TYRO3: variants seen among roughly 807,000 people sequenced by gnomAD.
TYRO3 encodes tyrosine-protein kinase receptor TYRO3.
In TYRO3, 38 loss-of-function variants were observed where a neutral mutation model predicts 95.2. The observed-to-expected ratio is 0.40, with a 90% CI of 0.31 to 0.52. TYRO3 has a LOEUF of 0.52. Among genes scored for constraint, TYRO3 ranks in the 20% least tolerant of loss-of-function variants. The pLI is 0.56. For synonymous variants in TYRO3, 367 were observed against 432.9 expected, an observed-to-expected ratio of 0.85 and a Z score of 1.89; for missense variants, 812 against 1,116.4, an observed-to-expected ratio of 0.73 and a Z score of 3.89.
At chr15:41,566,713 C>T (rs949707767) in intron 6 of TYRO3, among the ~76,000 whole-genome samples, 3 of 152,244 alleles carry the variant, frequency 2.0e-5, no homozygotes, top group African/African-American at 7.2e-5. Flanking sequence ...TCTTCCAGTG[C>T]CTCCTCATTC....
chr15:41,560,999 C>A, intron 1 of TYRO3, 128 bp from the exon 2 acceptor site: 1 of 1,171,998 alleles, frequency 8.5e-7, no homozygotes. Flanking sequence ...CCTACCTCTG[C>A]TTCCTTGACT....
At position 41,579,436 on chromosome 15, in the gene TYRO3, G is replaced by C. The variant is rs2055900229; in HGVS notation, c.*1160G>C. On this transcript the variant is annotated 3_prime_UTR_variant, in exon 19 of 19. Coordinates refer to ENST00000263798, the MANE Select transcript of TYRO3 (RefSeq NM_006293.4). ...GTGATCTTGGTTCACTGCAACCTCTGCCTCCTGGGTTCAAGCGATTCTTGT... is the reference window on the plus strand; with the variant it reads ...GTGATCTTGGTTCACTGCAACCTCTCCCTCCTGGGTTCAAGCGATTCTTGT... The C allele has an allele frequency of 1.3e-5, 2 of 150,056 alleles. No homozygotes were observed. The highest frequency in any genetic ancestry group is 1.3e-4 in the Admixed American group (2 of 14,926). 9.3% of individuals were successfully genotyped at this position (150,056 alleles called of 1,614,324 possible). A position where few individuals can be genotyped will look rare whatever the true frequency, so the allele number is the denominator to read the frequency against.
chr15:41,569,447 C>A (rs1339585341), intron 9 of TYRO3, among the ~76,000 whole-genome samples: 1 of 151,888 alleles, frequency 6.6e-6, no homozygotes. Context: ...CCAGCCTGGG[C>A]AACAGAGTGA....
chr15:41,571,220 G>A (rs1046134368), intron 13 of TYRO3, 102 bp downstream of exon 13: 2 of 1,125,040 alleles, frequency 1.8e-6, no homozygotes, highest in Non-Finnish European at 2.7e-6. Context: ...TTTCCAAGAA[G>A]AGCTGGGCAG....
chr15:41,565,926 T>A (rs1566899900), intron 6 of TYRO3, among the ~76,000 whole-genome samples: 1 of 152,178 alleles, frequency 6.6e-6, no homozygotes, highest in Non-Finnish European at 1.5e-5. Flanking sequence ...TTCATCCGTT[T>A]ACTCAAAGGC....
chr15:41,571,242 A>T (rs1449761778), intron 13 of TYRO3, 124 bp downstream of exon 13: 1 of 872,526 alleles, frequency 1.1e-6, no homozygotes, highest in East Asian at 2.4e-5. Flanking sequence ...ACTAACTGGG[A>T]TGCTCTTTAC....
At chr15:41,564,291 G>A in intron 5 of TYRO3, 21 bp downstream of exon 5, 2 of 1,576,508 alleles carry the variant, frequency 1.3e-6, no homozygotes, top group Non-Finnish European at 1.7e-6. Flanking sequence ...TGGCAGGGAG[G>A]AAGGGTGGAT....
chr15:41,573,830 A>G lies in TYRO3; in HGVS notation c.2282+15A>G, dbSNP rs2055831557. The G allele has an allele frequency of 3.1e-6, 5 of 1,612,072 alleles. No individual in the cohort carries two copies. Among genetic ancestry groups the G allele is most frequent in the Non-Finnish European group, 4.2e-6 (5 of 1,178,790 alleles). ...ATGGAGGACGTGTGAGTATCCTGGGAAGGGGGCTCTGGAAGGAAAGGGGAA... is the reference window on the plus strand; with the variant it reads ...ATGGAGGACGTGTGAGTATCCTGGGGAGGGGGCTCTGGAAGGAAAGGGGAA... On this transcript the variant is annotated intron_variant, in intron 18 of 18. Transcript: ENST00000263798.
intron 4 of TYRO3, among the ~76,000 whole-genome samples, chr15:41,563,483 G>A (rs1398677899): frequency 6.6e-6 from 1 of 152,172 alleles, no homozygotes; most frequent in Non-Finnish European, 1.5e-5. Context: ...TTGACAAGAG[G>A]TGGACTATGA....
intron 4 of TYRO3, 126 bp from the exon 5 acceptor site, chr15:41,564,058 C>A: frequency 1.1e-6 from 1 of 877,392 alleles, no homozygotes; most frequent in South Asian, 1.5e-5. Flanking sequence ...ACCTCACTGC[C>A]CAGCCCCTTC....
At position 41,567,455 on chromosome 15, in the gene TYRO3, C is replaced by A; in HGVS notation, c.879C>A (p.Asn293Lys). The A allele has an allele frequency of 6.2e-7, 1 of 1,609,794 alleles. No homozygotes were observed. The highest frequency in any genetic ancestry group is 8.5e-7 in the Non-Finnish European group (1 of 1,178,464). The change falls in exon 7 of 19, where the codon AAC (asparagine) becomes AAA (lysine). Residue 293 changes from asparagine to lysine, a missense_variant. By Grantham distance (94) the Asn-to-Lys change is moderately conservative. Transcript: ENST00000263798. Reference sequence around the variant, plus strand: ...TCCGGGACCTGGTGCCTGCCACCAACTACAGCCTCAGGGTGCGCTGTGCCA... The same window carrying A: ...TCCGGGACCTGGTGCCTGCCACCAAATACAGCCTCAGGGTGCGCTGTGCCA... ...CLLRDLVPATNYSLRVRCANA... is the reference protein window; with the variant it reads ...CLLRDLVPATKYSLRVRCANA...
Position 41,573,697 on chromosome 15 carries a change from A to C in TYRO3, c.2164A>C (p.Met722Leu), listed in dbSNP as rs759257948. 3 of 1,614,136 alleles carry C rather than the reference A, an allele frequency of 1.9e-6. No individual in the cohort carries two copies. Among genetic ancestry groups the C allele is most frequent in the Middle Eastern group, 1.6e-4 (1 of 6,082 alleles). Residue 722 changes from methionine to leucine, a missense_variant, in exon 18 of 19, where the codon ATG (methionine) becomes CTG (leucine). Physicochemically the swap from Met to Leu is conservative, Grantham distance 15. Coordinates refer to ENST00000263798, the MANE Select transcript of TYRO3 (RefSeq NM_006293.4). Reference sequence around the variant, plus strand: ...GTCCCAGTGGGCGTTCGGGGTGACCATGTGGGAGATCATGACACGTGGGCA... The same window carrying C: ...GTCCCAGTGGGCGTTCGGGGTGACCCTGTGGGAGATCATGACACGTGGGCA... The part of the protein sequence containing the change: ...QSDVWAFGVT[M>L]WEIMTRGQTP...
rs2140839365 is a variant in TYRO3, at chr15:41,579,672, T to A, written c.*1396T>A. ...GCCCCAGCTTTGTCTCTTAAATGTT[T>A]ACTTTTTTTGAGATCACAAAGATGA... On this transcript the variant is annotated 3_prime_UTR_variant, in exon 19 of 19. Coordinates refer to ENST00000263798, the MANE Select transcript of TYRO3 (RefSeq NM_006293.4). 1 of 151,834 alleles carries A rather than the reference T, an allele frequency of 6.6e-6. No homozygotes were observed. Among genetic ancestry groups the A allele is most frequent in the Admixed American group, 6.6e-5 (1 of 15,252 alleles). 9.4% of individuals were successfully genotyped at this position (151,834 alleles called of 1,614,324 possible).
rs187646597 is a variant in TYRO3, at chr15:41,565,502, G to T, written c.783+361G>T. Among the ~76,000 whole-genome samples the T allele has an allele frequency of 9.5e-3, 1,447 of 151,788 alleles. 25 individuals are homozygous for T. Among genetic ancestry groups the T allele is most frequent in the African/African-American group, 0.033 (1,384 of 41,342 alleles). ...CGGCTCACTGCAACCTCCACCTCCT[G>T]GGTTCAAGTGATTCTCCTGCCTCAG... On this transcript the variant is annotated intron_variant, in intron 6 of 18. Transcript: ENST00000263798.
chr15:41,578,651 T>A lies in TYRO3; in HGVS notation c.*375T>A. Reference sequence around the variant, plus strand: ...CCTCCTGCTGAGCTGCCCCTGCTGCTTAAGTGCATGCATTGAGCTGCCTCC... The same window carrying A: ...CCTCCTGCTGAGCTGCCCCTGCTGCATAAGTGCATGCATTGAGCTGCCTCC... On this transcript the variant is annotated 3_prime_UTR_variant, in exon 19 of 19. Coordinates refer to ENST00000263798, the MANE Select transcript of TYRO3 (RefSeq NM_006293.4). 3.3e-6 allele frequency: 1 copy of A among 307,036 alleles called. No homozygotes were observed. Among genetic ancestry groups the A allele is most frequent in the East Asian group, 8.9e-5 (1 of 11,292 alleles). The allele number at this position is 307,036 out of a possible 1,614,324, so 19.0% of individuals were successfully genotyped here.
At chr15:41,572,213 C>G (rs1457443048) in intron 14 of TYRO3, among the ~76,000 whole-genome samples, 3 of 152,096 alleles carry the variant, frequency 2.0e-5, no homozygotes. Context: ...ACAAAGACTG[C>G]TTGTGTGGAC....
Position 41,562,624 on chromosome 15 carries a change from T to C in TYRO3, c.486T>C (p.Ala162=), listed in dbSNP as rs780582175. 2 of 1,613,896 alleles carry C rather than the reference T, an allele frequency of 1.2e-6. No homozygotes were observed. The highest frequency in any genetic ancestry group is 2.7e-5 in the African/African-American group (2 of 74,916). ...PNAPFQLSCE[A]VGPPEPVTIV... ...CCCCTTTCCAACTGTCTTGTGAGGC[T>C]GTGGGTCCCCCTGAACCTGTTACCA... is the stretch of plus-strand genomic sequence containing the variant. The change falls in exon 4 of 19, where the codon GCT becomes GCC. Residue 162 remains alanine (A), a synonymous_variant. Coordinates refer to ENST00000263798, the MANE Select transcript of TYRO3 (RefSeq NM_006293.4).
chr15:41,568,085 G>A (rs1262053032), intron 7 of TYRO3, 132 bp from the exon 8 acceptor site: 6 of 1,231,060 alleles, frequency 4.9e-6, no homozygotes, highest in African/African-American at 1.5e-5. Context: ...AGTCAGAGCT[G>A]GGAGGTGAAC....
Position 41,578,515 on chromosome 15 carries a change from C to A in TYRO3, c.*239C>A. The A allele has an allele frequency of 1.7e-6, 1 of 590,616 alleles. No individual in the cohort carries two copies. Among genetic ancestry groups the A allele is most frequent in the Non-Finnish European group, 2.9e-6 (1 of 340,018 alleles). The allele number at this position is 590,616 out of a possible 1,614,324, so 36.6% of individuals were successfully genotyped here. The stretch of plus-strand genomic sequence containing the variant: ...TTGGCTTGATGGAAGTGGGCCAGTC[C>A]TGGTTGTCTGAACCCAGGCAGCTGG... On this transcript the variant is annotated 3_prime_UTR_variant, in exon 19 of 19. Coordinates refer to ENST00000263798, the MANE Select transcript of TYRO3 (RefSeq NM_006293.4).
Sources: gnomAD v4.1 joint callset for allele counts (sites outside exome capture counted in the v4.1 genomes callset) on GRCh38, gnomAD v4.1.1 for gene constraint, MANE v1.5 for transcripts, NCBI Gene and HGNC (gene_info 2026-07-23, HGNC 2026-07-21) for gene names.